HBS1L: variants seen among roughly 807,000 people sequenced by gnomAD.
HBS1L encodes the protein HBS1-like protein.
In HBS1L, 55 loss-of-function variants were observed where a neutral mutation model predicts 88.9. The observed-to-expected ratio is 0.62, with a 90% CI of 0.50 to 0.77. The LOEUF (loss-of-function observed/expected upper bound fraction) is 0.77, where lower values mean the gene tolerates loss of function less well. HBS1L is among the 30% of genes least tolerant of loss of function. HBS1L has a pLI of 0.00. For missense variants in HBS1L, 741 were observed against 829.3 expected (o/e 0.89, Z 1.31); for synonymous variants, 267 against 288.5 (o/e 0.93, Z 0.76).
At chr6:135,025,297 C>T (rs2114866052) in intron 4 of HBS1L, among the ~76,000 whole-genome samples, 1 of 152,278 alleles carries the variant, frequency 6.6e-6, no homozygotes, top group African/African-American at 2.4e-5. Flanking sequence ...ACATGAGAAA[C>T]ATAGGACTCC....
At chr6:135,043,468 T>C (rs1261796445) in intron 2 of HBS1L, among the ~76,000 whole-genome samples, 1 of 152,196 alleles carries the variant, frequency 6.6e-6, no homozygotes, top group South Asian at 2.1e-4. Context: ...TCAAAATGTA[T>C]AGATAATGCA....
intron 15 of HBS1L, among the ~76,000 whole-genome samples, chr6:134,977,390 G>C (rs1408574518): frequency 6.6e-6 from 1 of 151,944 alleles, no homozygotes; most frequent in African/African-American, 2.4e-5. Flanking sequence ...ACTGCTTTCT[G>C]TGAATGAGTT....
chr6:135,032,906 G>C (rs1291680857), intron 4 of HBS1L, among the ~76,000 whole-genome samples: 1 of 152,134 alleles, frequency 6.6e-6, no homozygotes, highest in East Asian at 1.9e-4. Context: ...AGGAGAAAAA[G>C]AGGTTAAAAT....
intron 4 of HBS1L, chr6:135,027,187 C>CAAAAAAAAAAAAAAAAAAAAAAAAAAA (rs71006749): frequency 5.3e-5 from 3 of 56,272 alleles, no homozygotes; most frequent in African/African-American, 1.4e-4. Flanking sequence ...GACTCTATCT[C>CAAAAAAAAAAAAAAAAAAAAAAAAAAA]AAAAAAAAAA....
At chr6:134,966,569 A>AT (rs1774322437) in intron 16 of HBS1L, 96 bp from the exon 17 acceptor site, 1 of 747,184 alleles carries the variant, frequency 1.3e-6, no homozygotes, top group Non-Finnish European at 2.0e-6. Flanking sequence ...TTTAACCAAC[A>AT]TATCAACTGA....
In HBS1L at chr6:135,054,668, T is replaced by C. The variant is rs1044349665; in HGVS notation, c.24A>G (p.Arg8=). 1 of 1,614,206 alleles carries C rather than the reference T, an allele frequency of 6.2e-7. No individual in the cohort carries two copies. The highest frequency in any genetic ancestry group is 8.5e-7 in the Non-Finnish European group (1 of 1,180,028). The change falls in exon 1 of 18, where the codon CGA becomes CGG. Residue 8 remains arginine, a synonymous_variant. Transcript: ENST00000367837. ...ACCTACCTTCATCGTAGTTATAGCC[T>C]CGAACATTCCGATGCCGGGCCATGA... MARHRNV[R]GYNYDEDFED... is the part of the protein sequence containing the mutation.
Position 135,037,120 on chromosome 6 carries a change from G to T in HBS1L, c.430+2453C>A, listed in dbSNP as rs1159783189. On this transcript the variant is annotated intron_variant, in intron 4 of 17. Coordinates refer to ENST00000367837, the MANE Select transcript of HBS1L (RefSeq NM_006620.4). ...AAGTGACAAATTCTCAAGGTCTCTT[G>T]TGGGAGAAGCTTTATGAAATGCCAA... The T allele has an allele frequency of 5.8e-6, 9 of 1,551,346 alleles. No individual in the cohort carries two copies. The Admixed American group carries it at 7.8e-5, about 14-fold the overall frequency.
chr6:135,050,521 G>T, intron 2 of HBS1L, 61 bp downstream of exon 2: 1 of 1,097,096 alleles, frequency 9.1e-7, no homozygotes, highest in South Asian at 1.4e-5. Flanking sequence ...GTCCTTGAAC[G>T]ACTAACATTT....
At chr6:135,008,261 G>C (rs761327084) in intron 4 of HBS1L, among the ~76,000 whole-genome samples, 7 of 152,158 alleles carry the variant, frequency 4.6e-5, no homozygotes, top group Non-Finnish European at 7.3e-5. Context: ...TTTTCATTCA[G>C]ACAGAAATAA....
At chr6:134,988,905 T>C (rs1775055409) in intron 8 of HBS1L, among the ~76,000 whole-genome samples, 1 of 152,194 alleles carries the variant, frequency 6.6e-6, no homozygotes, top group African/African-American at 2.4e-5. Context: ...ATATGAATTA[T>C]CAAAAAGCAG....
rs1349017166 is a variant in HBS1L, at chr6:135,037,525, A to C, written c.430+2048T>G. ...ACTTCCTAAACTGTCCTGTACTGGA[A>C]TGTTTTGAAAATCAGACAGTGAATT... On this transcript the variant is annotated intron_variant, in intron 4 of 17. Coordinates refer to ENST00000367837, the MANE Select transcript of HBS1L (RefSeq NM_006620.4). 8 of 1,550,422 alleles carry C rather than the reference A, an allele frequency of 5.2e-6. No individual in the cohort carries two copies. The Admixed American group carries it at 9.8e-5, about 19-fold the overall frequency.
chr6:135,043,020 T>C (rs1283476871), intron 2 of HBS1L, among the ~76,000 whole-genome samples: 2 of 152,226 alleles, frequency 1.3e-5, no homozygotes, highest in Non-Finnish European at 2.9e-5. Context: ...TCTGCAATAC[T>C]GCCAAACATC....
chr6:135,040,386 T>C (rs1201021455), intron 3 of HBS1L, among the ~76,000 whole-genome samples: 1 of 144,492 alleles, frequency 6.9e-6, no homozygotes, highest in East Asian at 2.1e-4. Flanking sequence ...AGTCTCACTC[T>C]GTTGCCCAGG....
intron 5 of HBS1L, among the ~76,000 whole-genome samples, chr6:135,001,656 A>T (rs1326855908): frequency 3.3e-5 from 5 of 152,150 alleles, no homozygotes; most frequent in African/African-American, 1.2e-4. Context: ...AACAGGCTAA[A>T]GTTACTCATG....
At chr6:135,036,392 A>G in intron 4 of HBS1L, 1 of 1,310,502 alleles carries the variant, frequency 7.6e-7, no homozygotes, top group Non-Finnish European at 9.7e-7. Context: ...GAAAGAAGAC[A>G]TAGTTAAAAA....
chr6:135,045,957 T>C (rs1776899757), intron 2 of HBS1L, among the ~76,000 whole-genome samples: 1 of 152,220 alleles, frequency 6.6e-6, no homozygotes, highest in Non-Finnish European at 1.5e-5. Flanking sequence ...TGGACCATGA[T>C]CAGTTATCTG....
intron 15 of HBS1L, among the ~76,000 whole-genome samples, chr6:134,972,329 G>T (rs969274727): frequency 6.6e-6 from 1 of 152,102 alleles, no homozygotes; most frequent in Non-Finnish European, 1.5e-5. Context: ...TTCAACCAGG[G>T]TACCAGCACC....
chr6:134,967,418 A>G (rs1458367172), intron 16 of HBS1L, among the ~76,000 whole-genome samples: 2 of 152,182 alleles, frequency 1.3e-5, no homozygotes, highest in African/African-American at 4.8e-5. Flanking sequence ...TAATACATAA[A>G]TGGCTTGTTC....
In HBS1L at chr6:135,039,778, C is replaced by A; in HGVS notation, c.236-11G>T. On this transcript the variant is annotated splice_polypyrimidine_tract_variant and intron_variant, in intron 3 of 17. Transcript: ENST00000367837. ...ATGAATAAAGACGAGCTAGAAAAGA[C>A]GACAATGGTCAAAAGCTATACTAAA... is the stretch of plus-strand genomic sequence containing the variant. 6.3e-7 allele frequency: 1 copy of A among 1,599,698 alleles called. No homozygotes were observed. The highest frequency in any genetic ancestry group is 8.5e-7 in the Non-Finnish European group (1 of 1,174,274).
Sources: allele counts gnomAD v4.1 joint callset (sites outside exome capture counted in the v4.1 genomes callset), GRCh38; gene constraint gnomAD v4.1.1; transcripts MANE v1.5; gene names NCBI Gene and HGNC (gene_info 2026-07-23, HGNC 2026-07-21).